The following SND1 variants were observed in gnomAD, a reference collection of about 807,000 sequenced individuals.
SND1 encodes the protein staphylococcal nuclease domain-containing protein 1.
SND1 carries 38 observed loss-of-function variants against 121.7 expected under a neutral mutation model. The observed-to-expected ratio is 0.31, with a 90% CI of 0.24 to 0.41. SND1 has a LOEUF of 0.41. SND1 is among the 10% of genes least tolerant of loss of function. The probability of loss-of-function intolerance (pLI) is 1.00; values close to 1 mark genes in which losing one functional copy is unlikely to be tolerated. For missense variants in SND1, 868 were observed against 1,184.6 expected (o/e 0.73, Z 3.92); for synonymous variants, 401 against 447.4 (o/e 0.90, Z 1.31).
chr7:127,868,210 G>A (rs1260174477), intron 12 of SND1, among the ~76,000 whole-genome samples: 2 of 152,128 alleles, frequency 1.3e-5, no homozygotes, highest in African/African-American at 4.8e-5. Flanking sequence ...TGGGCAACAT[G>A]GTGAAACCCT....
At chr7:127,989,498 A>G (rs984614946) in intron 15 of SND1, among the ~76,000 whole-genome samples, 43 of 151,908 alleles carry the variant, frequency 2.8e-4, no homozygotes, top group African/African-American at 9.4e-4. Flanking sequence ...ATACACAGAG[A>G]TGTACCTTCT....
intron 10 of SND1, among the ~76,000 whole-genome samples, chr7:127,736,365 G>A (rs1446823913): frequency 6.6e-6 from 1 of 152,200 alleles, no homozygotes; most frequent in Non-Finnish European, 1.5e-5. Context: ...TTATAACTGA[G>A]AATTTCTTCT....
intron 11 of SND1, among the ~76,000 whole-genome samples, chr7:127,819,995 A>G (rs571701964): frequency 4.7e-4 from 71 of 152,272 alleles, no homozygotes; most frequent in African/African-American, 1.7e-3. Flanking sequence ...AGTGACTTTA[A>G]TTATCTTAAT....
chr7:127,972,766 G>A lies in SND1; in HGVS notation c.1670-18181G>A, dbSNP rs546929969. ...GGCTAATTTTTGTATTTTTAGTAGAGACAGGGTTTCACCGTGTTGGCCAAG... is the reference window on the plus strand; with the variant it reads ...GGCTAATTTTTGTATTTTTAGTAGAAACAGGGTTTCACCGTGTTGGCCAAG... On this transcript the variant is annotated intron_variant, in intron 15 of 23. Coordinates refer to ENST00000354725, the MANE Select transcript of SND1 (RefSeq NM_014390.4). Among the ~76,000 whole-genome samples, 153 of 152,080 alleles carry A rather than the reference G, an allele frequency of 1.0e-3. 1 individual carries two copies. The highest frequency in any genetic ancestry group is 1.7e-3 in the Non-Finnish European group (113 of 67,998).
At chr7:127,862,018 A>G (rs559842680) in intron 12 of SND1, among the ~76,000 whole-genome samples, 2 of 152,344 alleles carry the variant, frequency 1.3e-5, no homozygotes, top group African/African-American at 4.8e-5. Context: ...GTTGTGGATT[A>G]GAAGGTAATC....
At chr7:127,865,224 A>G (rs1295187191) in intron 12 of SND1, among the ~76,000 whole-genome samples, 2 of 152,236 alleles carry the variant, frequency 1.3e-5, no homozygotes, top group Non-Finnish European at 2.9e-5. Flanking sequence ...CAAATTATCT[A>G]TAGTTGACAT....
chr7:127,811,652 C>T (rs1798337156), intron 11 of SND1, among the ~76,000 whole-genome samples: 1 of 152,210 alleles, frequency 6.6e-6, no homozygotes. Context: ...ACTACCTCCT[C>T]GTATCAGTAA....
At chr7:127,994,751 G>A (rs1211216374) in intron 16 of SND1, among the ~76,000 whole-genome samples, 3 of 151,880 alleles carry the variant, frequency 2.0e-5, no homozygotes, top group East Asian at 1.9e-4. Flanking sequence ...TCGCTCTGTC[G>A]CCCAGGCTGG....
At chr7:128,004,784 C>T (rs922636471) in intron 16 of SND1, among the ~76,000 whole-genome samples, 4 of 152,132 alleles carry the variant, frequency 2.6e-5, no homozygotes, top group Non-Finnish European at 5.9e-5. Context: ...TGCATAAGGC[C>T]GTATTTACAT....
At chr7:127,908,428 C>A (rs1200141984) in intron 14 of SND1, among the ~76,000 whole-genome samples, 1 of 151,032 alleles carries the variant, frequency 6.6e-6, no homozygotes, top group East Asian at 1.9e-4. Context: ...AAGAAAATTA[C>A]ATACTCCCAA....
rs1803196938 is a variant in SND1, at chr7:128,015,043, C to T, written c.1779+23987C>T. 6.6e-6 allele frequency among the ~76,000 whole-genome samples: 1 copy of T among 152,218 alleles called. No homozygotes were observed. Among genetic ancestry groups the T allele is most frequent in the African/African-American group, 2.4e-5 (1 of 41,464 alleles). Reference sequence around the variant, plus strand: ...GCTGGCTGTTCTTGCACTTGAGCGGCTTGTTTGCCTGGACAGGTCCAAGCT... The same window carrying T: ...GCTGGCTGTTCTTGCACTTGAGCGGTTTGTTTGCCTGGACAGGTCCAAGCT... On this transcript the variant is annotated intron_variant, in intron 16 of 23. Transcript: ENST00000354725. This position sits in a 1 kb window ranked among gnomAD's most constrained non-coding sequence, Gnocchi z 4.5.
chr7:127,731,995 C>G (rs1224152916), intron 10 of SND1, among the ~76,000 whole-genome samples: 5 of 152,198 alleles, frequency 3.3e-5, no homozygotes, highest in African/African-American at 7.2e-5. Context: ...ATGTCTCTCT[C>G]TTGTCTCTTT....
chr7:127,918,026 G>A (rs1352403363), intron 14 of SND1, among the ~76,000 whole-genome samples: 1 of 151,400 alleles, frequency 6.6e-6, no homozygotes, highest in Non-Finnish European at 1.5e-5. Context: ...AGTTTATCTA[G>A]GCAAAGCTTA....
intron 15 of SND1, among the ~76,000 whole-genome samples, chr7:127,983,306 A>G (rs1802309452): frequency 1.3e-5 from 2 of 152,290 alleles, no homozygotes; most frequent in South Asian, 4.1e-4. Context: ...GAGTGCAGTC[A>G]GTGGGACAGG....
At chr7:128,040,821 C>T (rs1165076390) in intron 16 of SND1, among the ~76,000 whole-genome samples, 3 of 152,258 alleles carry the variant, frequency 2.0e-5, no homozygotes, top group Non-Finnish European at 4.4e-5. Context: ...TCTCTACCAG[C>T]TTTCTTGATC....
chr7:128,068,562 A>G (rs542373890), intron 16 of SND1, among the ~76,000 whole-genome samples: 2 of 152,348 alleles, frequency 1.3e-5, no homozygotes, highest in South Asian at 4.1e-4. Context: ...GGGTGGGGAC[A>G]GGGACCAAGT....
chr7:128,031,742 G>GCGGCGGCCGCAGCCCC (rs1167032275), intron 16 of SND1: 1 of 144,538 alleles, frequency 6.9e-6, no homozygotes, highest in African/African-American at 2.5e-5. Flanking sequence ...TCCGGCGGCG[G>GCGGCGGCCGCAGCCCC]CGGCGGCCGC....
chr7:128,031,731 G>C (rs1249098882), intron 16 of SND1: 1 of 143,798 alleles, frequency 7.0e-6, no homozygotes, highest in East Asian at 2.1e-4. Flanking sequence ...GCGGGCGCGG[G>C]TCCGGCGGCG....
chr7:127,994,541 CT>C (rs1248266652), intron 16 of SND1, among the ~76,000 whole-genome samples: 2 of 90,450 alleles, frequency 2.2e-5, no homozygotes, highest in African/African-American at 9.1e-5. Context: ...ATGACGATCA[CT>C]TTTACTCAAA....
Sources: gnomAD v4.1 joint callset for allele counts (sites outside exome capture counted in the v4.1 genomes callset) on GRCh38, gnomAD v4.1.1 for gene constraint, Gnocchi (gnomAD v3.1) non-coding constraint, MANE v1.5 for transcripts, NCBI Gene and HGNC (gene_info 2026-07-23, HGNC 2026-07-21) for gene names.